The following CAP2 variants were observed in gnomAD, a reference collection of about 807,000 sequenced individuals.
CAP2 encodes cyclase associated actin cytoskeleton regulatory protein 2.
In CAP2, 24 loss-of-function variants were observed where a neutral mutation model predicts 57.7. The ratio of observed to expected loss-of-function variants is 0.42; its 90% confidence interval spans 0.30 to 0.58. The LOEUF (loss-of-function observed/expected upper bound fraction) is 0.58, where lower values mean the gene tolerates loss of function less well. Ranked by LOEUF, CAP2 falls within the 20% of genes least tolerant of loss-of-function variation. The pLI is 0.22. For missense variants in CAP2, 501 were observed against 590.3 expected (o/e 0.85, Z 1.57); for synonymous variants, 194 against 207.2 (o/e 0.94, Z 0.55).
intron 4 of CAP2, among the ~76,000 whole-genome samples, chr6:17,466,289 A>G (rs1760862842): frequency 6.6e-6 from 1 of 152,194 alleles, no homozygotes; most frequent in Admixed American, 6.5e-5. Flanking sequence ...TGATTCTCCA[A>G]CTTTAGCGTG....
chr6:17,556,821 A>G lies in CAP2; in HGVS notation c.*379A>G, dbSNP rs926147682. ...TAAAAAATAAAACCTTTGAGAATCT[A>G]AGATGTACATTTTTACCTTTTAGGC... On this transcript the variant is annotated 3_prime_UTR_variant, in exon 13 of 13. Coordinates refer to ENST00000229922, the MANE Select transcript of CAP2 (RefSeq NM_006366.3). 1.7e-5 allele frequency: 3 copies of G among 180,614 alleles called. No homozygotes were observed. The Admixed American group carries it at 1.7e-4, about 10-fold the overall frequency. 11.2% of individuals were successfully genotyped at this position (180,614 alleles called of 1,614,324 possible).
intron 3 of CAP2, among the ~76,000 whole-genome samples, chr6:17,428,942 A>G (rs1416956036): frequency 1.3e-5 from 2 of 152,092 alleles, no homozygotes; most frequent in African/African-American, 4.8e-5. Context: ...TCACATTGCA[A>G]TGTATTTGTT....
chr6:17,503,321 C>G (rs1028523525), intron 4 of CAP2, among the ~76,000 whole-genome samples: 1 of 152,068 alleles, frequency 6.6e-6, no homozygotes, highest in Non-Finnish European at 1.5e-5. Flanking sequence ...ATAAAGACAC[C>G]AGTCAGGCCG....
Position 17,504,722 on chromosome 6 carries a change from C to G in CAP2, c.301-2447C>G, listed in dbSNP as rs1309733584. Among the ~76,000 whole-genome samples, 7 of 152,322 alleles carry G rather than the reference C, an allele frequency of 4.6e-5. No individual in the cohort carries two copies. The East Asian group carries it at 1.2e-3, about 25-fold the overall frequency. The stretch of plus-strand genomic sequence containing the variant: ...TTTATTTGGCAACCCAGTACACACA[C>G]AAACACACACACACACACTTCATAA... On this transcript the variant is annotated intron_variant, in intron 4 of 12. Transcript: ENST00000229922.
chr6:17,485,419 G>A (rs962731377), intron 4 of CAP2, among the ~76,000 whole-genome samples: 2 of 152,140 alleles, frequency 1.3e-5, no homozygotes, highest in African/African-American at 2.4e-5. Flanking sequence ...TCTGGTTACC[G>A]GTGCCACCCG....
At chr6:17,407,720 A>C (rs1296721721) in intron 1 of CAP2, among the ~76,000 whole-genome samples, 102 of 148,246 alleles carry the variant, frequency 6.9e-4, no homozygotes, top group Non-Finnish European at 1.5e-4. Flanking sequence ...TGGAGGTTGC[A>C]GTCAGCTGAG....
intron 1 of CAP2, among the ~76,000 whole-genome samples, chr6:17,409,804 TC>T (rs1230289281): frequency 6.6e-6 from 1 of 152,042 alleles, no homozygotes; most frequent in Non-Finnish European, 1.5e-5. Flanking sequence ...ATCTAAGATA[TC>T]CTAGCTTCTC....
chr6:17,490,466 A>T (rs1761517535), intron 4 of CAP2, among the ~76,000 whole-genome samples: 1 of 152,224 alleles, frequency 6.6e-6, no homozygotes, highest in African/African-American at 2.4e-5. Context: ...GATTTCTTAA[A>T]GTGATGTGTA....
At chr6:17,537,539 A>G (rs1037679612) in intron 7 of CAP2, among the ~76,000 whole-genome samples, 1 of 152,196 alleles carries the variant, frequency 6.6e-6, no homozygotes, top group African/African-American at 2.4e-5. Flanking sequence ...AAACTACTAC[A>G]GATTAAGAAT....
intron 4 of CAP2, among the ~76,000 whole-genome samples, chr6:17,479,097 C>A (rs1262606777): frequency 1.3e-5 from 2 of 152,206 alleles, no homozygotes; most frequent in Non-Finnish European, 2.9e-5. Flanking sequence ...CGTCACTCAT[C>A]TGCTGGTGGT....
intron 3 of CAP2, among the ~76,000 whole-genome samples, chr6:17,452,994 T>C (rs951236134): frequency 6.6e-6 from 1 of 152,128 alleles, no homozygotes; most frequent in Non-Finnish European, 1.5e-5. Context: ...ATAGCAAAAG[T>C]TGGGAAGATA....
intron 7 of CAP2, among the ~76,000 whole-genome samples, chr6:17,519,571 C>T (rs1231010487): frequency 6.6e-6 from 1 of 152,138 alleles, no homozygotes; most frequent in Admixed American, 6.5e-5. Flanking sequence ...GAGTTTGTGT[C>T]ATTTCCTCAG....
chr6:17,447,400 A>G (rs1480308798), intron 3 of CAP2, among the ~76,000 whole-genome samples: 1 of 152,120 alleles, frequency 6.6e-6, no homozygotes, highest in Non-Finnish European at 1.5e-5. Flanking sequence ...AAGAGAGGCA[A>G]TTTTTTAAAA....
intron 3 of CAP2, among the ~76,000 whole-genome samples, chr6:17,429,307 G>A (rs1167792883): frequency 2.0e-5 from 3 of 152,134 alleles, no homozygotes; most frequent in Admixed American, 2.0e-4. Flanking sequence ...AGTAATCATT[G>A]TATCATTATG....
At chr6:17,442,330 T>G (rs1038328966) in intron 3 of CAP2, among the ~76,000 whole-genome samples, 2 of 152,208 alleles carry the variant, frequency 1.3e-5, no homozygotes, top group African/African-American at 2.4e-5. Context: ...CACATGATGA[T>G]GTTCGCCGCC....
chr6:17,395,823 G>T (rs1322102591), intron 1 of CAP2, among the ~76,000 whole-genome samples: 2 of 152,060 alleles, frequency 1.3e-5, no homozygotes, highest in Admixed American at 6.6e-5. Context: ...CCATCACTAG[G>T]TTTATAAACT....
intron 11 of CAP2, among the ~76,000 whole-genome samples, chr6:17,547,650 G>A (rs369072836): frequency 3.3e-5 from 5 of 151,978 alleles, no homozygotes; most frequent in South Asian, 2.1e-4. Flanking sequence ...GACCATCCTG[G>A]CTAACACAGT....
At chr6:17,418,489 C>T (rs993305896) in intron 1 of CAP2, among the ~76,000 whole-genome samples, 12 of 151,892 alleles carry the variant, frequency 7.9e-5, no homozygotes, top group African/African-American at 2.9e-4. Flanking sequence ...TTTCAACATA[C>T]GGAGCACTAT....
At chr6:17,452,850 C>A (rs1302743913) in intron 3 of CAP2, among the ~76,000 whole-genome samples, 1 of 152,112 alleles carries the variant, frequency 6.6e-6, no homozygotes, top group Non-Finnish European at 1.5e-5. Context: ...TCACCTCACC[C>A]GTAGTCTCCC....
Sources: gnomAD v4.1 joint callset for allele counts (sites outside exome capture counted in the v4.1 genomes callset) on GRCh38, gnomAD v4.1.1 for gene constraint, MANE v1.5 for transcripts, NCBI Gene and HGNC (gene_info 2026-07-23, HGNC 2026-07-21) for gene names.